Variants in MIS18BP1 observed in about 807,000 individuals in gnomAD.
The protein encoded by MIS18BP1 is MIS18 binding protein 1.
A neutral mutation model predicts 116.1 loss-of-function variants in MIS18BP1; 72 were observed. The observed-to-expected ratio is 0.62, with a 90% CI of 0.51 to 0.75. The LOEUF is 0.75. Ranked by LOEUF, MIS18BP1 falls within the 30% of genes least tolerant of loss-of-function variation. The pLI is 0.00. For synonymous variants in MIS18BP1, 386 were observed against 427.0 expected (o/e 0.90, Z 1.18); for missense variants, 1,363 against 1,303.2 (o/e 1.05, Z -0.71).
At chr14:45,209,166 G>A (rs1216794929) in intron 14 of MIS18BP1, among the ~76,000 whole-genome samples, 1 of 144,772 alleles carries the variant, frequency 6.9e-6, no homozygotes, top group Non-Finnish European at 1.5e-5. Context: ...TCTAATAAAA[G>A]CAATTATACA....
intron 12 of MIS18BP1, 139 bp from the exon 13 acceptor site, chr14:45,217,318 G>A: frequency 2.1e-6 from 2 of 940,038 alleles, no homozygotes; most frequent in Non-Finnish European, 3.2e-6. Flanking sequence ...GCCAGGCTCA[G>A]TGGCTCATCC....
At chr14:45,234,139 G>GT (rs1277515961) in intron 6 of MIS18BP1, among the ~76,000 whole-genome samples, 1 of 151,914 alleles carries the variant, frequency 6.6e-6, no homozygotes, top group Non-Finnish European at 1.5e-5. Context: ...TGTTCAAAGT[G>GT]TATACTGAAT....
intron 14 of MIS18BP1, 135 bp downstream of exon 14, chr14:45,210,245 C>T: frequency 1.6e-5 from 15 of 918,708 alleles, no homozygotes; most frequent in Non-Finnish European, 2.4e-5. Context: ...TCCTTAACTT[C>T]TAGAAACTAC....
In MIS18BP1 at chr14:45,235,932, G is replaced by A. The variant is rs141144364; in HGVS notation, c.1230C>T (p.Asn410=). Residue 410 remains asparagine, a synonymous_variant, in exon 6 of 17, where the codon AAC becomes AAT. Transcript: ENST00000310806. ...CVEGKLIDVT[N]IYWHSNVIIE... is the part of the protein sequence containing the mutation. ...TAATTACATTACTGTGCCAATATAT[G>A]TTAGTGACGTCTCTAGGAAAAAAAA... 1.4e-5 allele frequency: 22 copies of A among 1,602,440 alleles called. No individual in the cohort carries two copies. The African/African-American group carries it at 2.7e-4, about 20-fold the overall frequency.
chr14:45,245,313 G>A (rs904522023), intron 2 of MIS18BP1, among the ~76,000 whole-genome samples: 3 of 151,140 alleles, frequency 2.0e-5, no homozygotes, highest in African/African-American at 7.3e-5. Flanking sequence ...CACTCTCCTG[G>A]TTTTTCTTCT....
chr14:45,241,501 C>G (rs929710899), intron 4 of MIS18BP1: 1 of 152,442 alleles, frequency 6.6e-6, no homozygotes, highest in African/African-American at 2.4e-5. Flanking sequence ...GGGCAAACCT[C>G]TAACAATTGG....
Position 45,246,815 on chromosome 14 carries a change from A to ATTT in MIS18BP1, c.469_471dup (p.Lys157dup). 2.3e-6 allele frequency: 3 copies of ATTT among 1,324,246 alleles called. No homozygotes were observed. The highest frequency in any genetic ancestry group is 3.0e-5 in the African/African-American group (2 of 66,510). The allele number at this position is 1,324,246 out of a possible 1,614,324, so 82.0% of individuals were successfully genotyped here. On this transcript the variant is annotated inframe_insertion, in exon 2 of 17. Coordinates refer to ENST00000310806, the MANE Select transcript of MIS18BP1 (RefSeq NM_018353.5). ...TCTTCACATAGGTAGGTATGCTGCA[A>ATTT]TTTTTTTTTTTCAACTCTGTTAGGA...
chr14:45,237,605 T>G, intron 5 of MIS18BP1, 43 bp downstream of exon 5: 1 of 1,575,512 alleles, frequency 6.3e-7, no homozygotes, highest in Non-Finnish European at 8.6e-7. Context: ...TGCTTACACA[T>G]AACTAAAGTT....
In MIS18BP1 at chr14:45,221,210, G is replaced by A. The variant is rs113443767; in HGVS notation, c.2669+2708C>T. 3.3e-5 allele frequency among the ~76,000 whole-genome samples: 5 copies of A among 152,004 alleles called. 1 individual carries two copies. Among genetic ancestry groups the A allele is most frequent in the Admixed American group, 2.0e-4 (3 of 15,242 alleles). ...TCCCAGCACTTTGGGAGGCCAAGGC[G>A]GGAGGATCACGAGGTCAGGAGATCG... On this transcript the variant is annotated intron_variant, in intron 11 of 16. Coordinates refer to ENST00000310806, the MANE Select transcript of MIS18BP1 (RefSeq NM_018353.5).
intron 14 of MIS18BP1, among the ~76,000 whole-genome samples, chr14:45,206,675 T>C (rs1386708495): frequency 6.6e-6 from 1 of 152,218 alleles, no homozygotes; most frequent in African/African-American, 2.4e-5. Context: ...ACAAAATGCT[T>C]AAATCAAACA....
At chr14:45,206,756 C>T (rs139286561) in intron 14 of MIS18BP1, among the ~76,000 whole-genome samples, 8 of 152,306 alleles carry the variant, frequency 5.3e-5, no homozygotes, top group East Asian at 1.9e-4. Context: ...GTACCGTCTA[C>T]GCTCTTTCCG....
intron 2 of MIS18BP1, among the ~76,000 whole-genome samples, chr14:45,244,838 G>A (rs139416454): frequency 7.7e-4 from 117 of 152,150 alleles, no homozygotes; most frequent in African/African-American, 2.6e-3. Context: ...CTGTGTAAAC[G>A]GCTTTCTTTT....
In MIS18BP1 at chr14:45,210,373, T is replaced by G; in HGVS notation, c.3152+7A>C. On this transcript the variant is annotated splice_region_variant and intron_variant, in intron 14 of 16. Coordinates refer to ENST00000310806, the MANE Select transcript of MIS18BP1 (RefSeq NM_018353.5). ...AGAATTAACATATCATATGCATGAATATTTACCTATTTATAGAACCTAGCA... is the reference window on the plus strand; with the variant it reads ...AGAATTAACATATCATATGCATGAAGATTTACCTATTTATAGAACCTAGCA... 6.2e-7 allele frequency: 1 copy of G among 1,612,450 alleles called. No homozygotes were observed. Among genetic ancestry groups the G allele is most frequent in the Non-Finnish European group, 8.5e-7 (1 of 1,179,456 alleles).
At chr14:45,250,790 G>GTGATCACGAGGCGAATGACGGC (rs1387608639) in intron 1 of MIS18BP1, among the ~76,000 whole-genome samples, 1 of 152,090 alleles carries the variant, frequency 6.6e-6, no homozygotes, top group Non-Finnish European at 1.5e-5. Context: ...GGGAGGCCAA[G>GTGATCACGAGGCGAATGACGGC]TGATCACGAG....
chr14:45,241,745 G>A, intron 4 of MIS18BP1: 1 of 245,708 alleles, frequency 4.1e-6, no homozygotes, highest in South Asian at 7.2e-5. Flanking sequence ...TGAATTCAAT[G>A]TTCATCACCA....
At chr14:45,240,868 C>G (rs1434175592) in intron 4 of MIS18BP1, among the ~76,000 whole-genome samples, 1 of 152,074 alleles carries the variant, frequency 6.6e-6, no homozygotes, top group Non-Finnish European at 1.5e-5. Flanking sequence ...TGCCACTGCA[C>G]TCCAGCCTGG....
At chr14:45,250,875 A>C (rs1164233309) in intron 1 of MIS18BP1, among the ~76,000 whole-genome samples, 2 of 152,176 alleles carry the variant, frequency 1.3e-5, no homozygotes, top group African/African-American at 4.8e-5. Context: ...GTCTCTACTA[A>C]AAATACAAAA....
intron 12 of MIS18BP1, among the ~76,000 whole-genome samples, chr14:45,217,510 C>A (rs1262458324): frequency 6.6e-6 from 1 of 152,146 alleles, no homozygotes; most frequent in East Asian, 1.9e-4. Flanking sequence ...ATGATTATTT[C>A]TACACTGGGA....
intron 4 of MIS18BP1, 175 bp downstream of exon 4, chr14:45,241,859 G>A (rs1487442356): frequency 1.5e-6 from 1 of 675,758 alleles, no homozygotes; most frequent in Non-Finnish European, 2.4e-6. Flanking sequence ...TTTTCACTAT[G>A]TCACACTGTC....
Sources: allele counts gnomAD v4.1 joint callset (sites outside exome capture counted in the v4.1 genomes callset), GRCh38; gene constraint gnomAD v4.1.1; transcripts MANE v1.5; gene names NCBI Gene and HGNC (gene_info 2026-07-23, HGNC 2026-07-21).